The following PARD3B variants were observed in gnomAD, a reference collection of about 807,000 sequenced individuals.
PARD3B encodes the protein par-3 family cell polarity regulator beta.
Under a neutral mutation model 130.2 loss-of-function variants are expected in PARD3B, and 103 were observed. The observed-to-expected ratio is 0.79, with a 90% CI of 0.67 to 0.93. PARD3B has a LOEUF of 0.93. PARD3B is among the 40% of genes least tolerant of loss of function. The pLI is 0.00. For missense variants in PARD3B, 1,609 were observed against 1,499.2 expected (o/e 1.07, Z -1.21); for synonymous variants, 583 against 553.2 (o/e 1.05, Z -0.76).
chr2:204,594,430 G>A lies in PARD3B; in HGVS notation c.120+48311G>A, dbSNP rs190805382. On this transcript the variant is annotated intron_variant, in intron 1 of 22. Transcript: ENST00000406610. ...AAGAAATTTAGAGAAGGTGACTAGTGATTATGCGTGGAGAACTTGCTGTAT... is the reference window on the plus strand; with the variant it reads ...AAGAAATTTAGAGAAGGTGACTAGTAATTATGCGTGGAGAACTTGCTGTAT... 3.1e-3 allele frequency among the ~76,000 whole-genome samples: 476 copies of A among 152,312 alleles called. 4 individuals are homozygous for A. The highest frequency in any genetic ancestry group is 0.011 in the African/African-American group (448 of 41,562).
chr2:204,648,722 TATA>T (rs1251506952), intron 1 of PARD3B, among the ~76,000 whole-genome samples: 939 of 71,894 alleles, frequency 0.013, 12 homozygotes, highest in Non-Finnish European at 0.018. Flanking sequence ...AATATATATT[TATA>T]ATAGATATCA....
chr2:204,996,435 G>C (rs1264260561), intron 3 of PARD3B, among the ~76,000 whole-genome samples: 17 of 152,218 alleles, frequency 1.1e-4, no homozygotes, highest in East Asian at 9.7e-4. Flanking sequence ...GCAGTGTGCC[G>C]GTTCTCAGAT....
At chr2:204,641,042 TATA>T (rs1288661739) in intron 1 of PARD3B, among the ~76,000 whole-genome samples, 6 of 147,916 alleles carry the variant, frequency 4.1e-5, no homozygotes, top group South Asian at 2.1e-4. Context: ...TATTATATGT[TATA>T]ATAGTATATT....
chr2:204,912,431 G>T (rs1165238058), intron 2 of PARD3B, among the ~76,000 whole-genome samples: 2 of 152,106 alleles, frequency 1.3e-5, no homozygotes, highest in Non-Finnish European at 2.9e-5. Context: ...AATATTTACA[G>T]ATCATTTATA....
At chr2:205,554,828 A>G (rs1385013076) in intron 22 of PARD3B, among the ~76,000 whole-genome samples, 1 of 152,192 alleles carries the variant, frequency 6.6e-6, no homozygotes, top group Non-Finnish European at 1.5e-5. Context: ...GGGATGATAT[A>G]ACGTGTATGG....
At chr2:205,518,982 G>C (rs2050912096) in intron 21 of PARD3B, among the ~76,000 whole-genome samples, 1 of 152,050 alleles carries the variant, frequency 6.6e-6, no homozygotes, top group African/African-American at 2.4e-5. Flanking sequence ...TTCCCTTTGT[G>C]GGTGACCTGT....
intron 3 of PARD3B, among the ~76,000 whole-genome samples, chr2:205,016,753 C>A (rs571480045): frequency 6.6e-6 from 1 of 152,096 alleles, no homozygotes; most frequent in Non-Finnish European, 1.5e-5. Context: ...TGAACTTGGA[C>A]CACTGTTCTT....
intron 22 of PARD3B, among the ~76,000 whole-genome samples, chr2:205,577,812 C>G (rs2053816843): frequency 2.0e-5 from 3 of 152,176 alleles, no homozygotes; most frequent in Admixed American, 2.0e-4. Flanking sequence ...GTTTTTAAAG[C>G]TACCAAAGTA....
chr2:205,180,169 T>C (rs771564204), intron 13 of PARD3B, among the ~76,000 whole-genome samples: 8 of 151,394 alleles, frequency 5.3e-5, no homozygotes, highest in Non-Finnish European at 1.0e-4. Flanking sequence ...TCTATTATTA[T>C]ATTTTCTTTG....
chr2:205,340,241 G>A (rs188319370), intron 18 of PARD3B, among the ~76,000 whole-genome samples: 21 of 152,006 alleles, frequency 1.4e-4, no homozygotes, highest in African/African-American at 4.6e-4. Flanking sequence ...AGGTATAAAT[G>A]AAATAGAAAA....
chr2:205,346,135 G>A (rs2043753308), intron 18 of PARD3B, among the ~76,000 whole-genome samples: 1 of 147,462 alleles, frequency 6.8e-6, no homozygotes, highest in South Asian at 2.3e-4. Context: ...TCCCGCCACT[G>A]CACTCCAGCC....
rs1005226659 is a variant in PARD3B at position 205,187,520 on chromosome 2, G to A, written c.2024+1657G>A. 2.0e-5 allele frequency among the ~76,000 whole-genome samples: 3 copies of A among 152,186 alleles called. No homozygotes were observed. Among genetic ancestry groups the A allele is most frequent in the African/African-American group, 4.8e-5 (2 of 41,444 alleles). On this transcript the variant is annotated intron_variant, in intron 14 of 22. Coordinates refer to ENST00000406610, the MANE Select transcript of PARD3B (RefSeq NM_001302769.2). The surrounding 1 kb of genome is among the most constrained non-coding windows in gnomAD (Gnocchi z 4.9). ...TTGGATACCTTTTAGGGCAACTGCA[G>A]TCAGAGGTACTGAGCATCTGTGCAG...
chr2:204,782,850 G>T (rs1344020490), intron 2 of PARD3B, among the ~76,000 whole-genome samples: 1 of 152,016 alleles, frequency 6.6e-6, no homozygotes, highest in Admixed American at 6.6e-5. Context: ...TTTCCATACT[G>T]TTGGTTATTA....
intron 2 of PARD3B, among the ~76,000 whole-genome samples, chr2:204,716,850 C>T (rs890560084): frequency 2.0e-5 from 3 of 152,082 alleles, no homozygotes; most frequent in African/African-American, 7.2e-5. Flanking sequence ...TTTCAATCTC[C>T]TGACCTCGTG....
chr2:204,785,230 G>A (rs939109642), intron 2 of PARD3B, among the ~76,000 whole-genome samples: 2 of 152,102 alleles, frequency 1.3e-5, no homozygotes, highest in Non-Finnish European at 2.9e-5. Context: ...GTTCCTTCTT[G>A]TAATGCTCCT....
chr2:204,773,015 A>C (rs908112647), intron 2 of PARD3B, among the ~76,000 whole-genome samples: 1 of 152,038 alleles, frequency 6.6e-6, no homozygotes, highest in Non-Finnish European at 1.5e-5. Flanking sequence ...ATATATATCA[A>C]TGTTAAGATA....
In PARD3B at chr2:205,405,189, G is replaced by A. The variant is rs2046378187; in HGVS notation, c.2741+4066G>A. Among the ~76,000 whole-genome samples, 1 of 152,172 alleles carries A rather than the reference G, an allele frequency of 6.6e-6. No homozygotes were observed. Among genetic ancestry groups the A allele is most frequent in the Non-Finnish European group, 1.5e-5 (1 of 68,042 alleles). ...AGAGGAATGCAGAGTCTAGAACAGTGGTTCTCAATGGGAGGGGGCAGTTTT... is the reference window on the plus strand; with the variant it reads ...AGAGGAATGCAGAGTCTAGAACAGTAGTTCTCAATGGGAGGGGGCAGTTTT... On this transcript the variant is annotated intron_variant, in intron 19 of 22. Coordinates refer to ENST00000406610, the MANE Select transcript of PARD3B (RefSeq NM_001302769.2). The surrounding 1 kb of genome is among the most constrained non-coding windows in gnomAD (Gnocchi z 4.1).
At chr2:205,216,807 G>A (rs540317651) in intron 15 of PARD3B, among the ~76,000 whole-genome samples, 17 of 152,206 alleles carry the variant, frequency 1.1e-4, no homozygotes, top group Non-Finnish European at 1.3e-4. Context: ...TCAGGGATCC[G>A]TACCAAACTG....
chr2:204,811,020 C>G (rs2042941754), intron 2 of PARD3B, among the ~76,000 whole-genome samples: 1 of 152,088 alleles, frequency 6.6e-6, no homozygotes, highest in Non-Finnish European at 1.5e-5. Context: ...GAATCAATTT[C>G]TTCTTTGTTC....
Sources: gnomAD v4.1 joint callset for allele counts (sites outside exome capture counted in the v4.1 genomes callset) on GRCh38, gnomAD v4.1.1 for gene constraint, Gnocchi (gnomAD v3.1) non-coding constraint, MANE v1.5 for transcripts, NCBI Gene and HGNC (gene_info 2026-07-23, HGNC 2026-07-21) for gene names.